The following FILIP1 variants were observed in gnomAD, a reference collection of about 807,000 sequenced individuals.
FILIP1 encodes filamin A interacting protein 1.
Under a neutral mutation model 102.1 loss-of-function variants are expected in FILIP1, and 61 were observed. That is an observed-to-expected ratio of 0.60 (90% CI 0.49 to 0.74). FILIP1 has a LOEUF of 0.74. Ranked by LOEUF, FILIP1 falls within the 30% of genes least tolerant of loss-of-function variation. The probability of loss-of-function intolerance (pLI) is 0.00; values close to 1 mark genes in which losing one functional copy is unlikely to be tolerated. For missense variants in FILIP1, 1,314 were observed against 1,441.2 expected (o/e 0.91, Z 1.43); for synonymous variants, 491 against 526.9 (o/e 0.93, Z 0.93).
chr6:75,471,529 A>T (rs1403074924), intron 1 of FILIP1, among the ~76,000 whole-genome samples: 1 of 152,202 alleles, frequency 6.6e-6, no homozygotes, highest in Non-Finnish European at 1.5e-5. Flanking sequence ...ATTCACGGAT[A>T]ATTTTGCATA....
At chr6:75,418,467 G>A (rs546639341) in intron 1 of FILIP1, among the ~76,000 whole-genome samples, 2 of 152,318 alleles carry the variant, frequency 1.3e-5, no homozygotes, top group Admixed American at 1.3e-4. Flanking sequence ...AGTCTGAACA[G>A]GGACAATTAC....
intron 1 of FILIP1, among the ~76,000 whole-genome samples, chr6:75,434,937 AG>A (rs755399972): frequency 1.3e-5 from 2 of 152,214 alleles, no homozygotes; most frequent in Non-Finnish European, 2.9e-5. Flanking sequence ...GCATCTAATG[AG>A]ATAATCATGC....
chr6:75,324,396 C>T (rs4535511), intron 4 of FILIP1, among the ~76,000 whole-genome samples: 98,911 of 147,296 alleles, frequency 0.67, 33,290 homozygotes, highest in Middle Eastern at 0.76. Context: ...GATAAAAGAT[C>T]TCTACAAGGA....
rs1308311220 is a variant in FILIP1, at chr6:75,442,416, A to C, written c.-6-27438T>G. On this transcript the variant is annotated intron_variant, in intron 1 of 5. Coordinates refer to ENST00000237172, the MANE Select transcript of FILIP1 (RefSeq NM_015687.5). ...GCCAAGGCAGGCGGCTGGGAGGTGG[A>C]GGTTGTAGCGAGCCAAGATCACGCC... Among the ~76,000 whole-genome samples, 42 of 152,268 alleles carry C rather than the reference A, an allele frequency of 2.8e-4. No individual in the cohort carries two copies. The East Asian group carries it at 7.9e-3, about 29-fold the overall frequency.
chr6:75,328,442 GTTCTC>G lies in FILIP1; in HGVS notation c.630-13245_630-13241del, dbSNP rs369967738. Among the ~76,000 whole-genome samples, 44 of 152,154 alleles carry G rather than the reference GTTCTC, an allele frequency of 2.9e-4. No homozygotes were observed. In the East Asian group the frequency reaches 7.5e-3, roughly 26 times the overall value. ...TGGGTACATGGGTGTTCATTATACTGTTCTCTTTACTTTTGTAAATGTTTGAAATT... is the reference window on the plus strand; with the variant it reads ...TGGGTACATGGGTGTTCATTATACTGTTTACTTTTGTAAATGTTTGAAATT... On this transcript the variant is annotated intron_variant, in intron 4 of 5. Transcript: ENST00000237172.
intron 1 of FILIP1, among the ~76,000 whole-genome samples, chr6:75,431,316 A>G (rs1777816203): frequency 6.6e-6 from 1 of 152,192 alleles, no homozygotes; most frequent in Non-Finnish European, 1.5e-5. Flanking sequence ...TCATGTAGGC[A>G]TGAGAAAAAA....
intron 4 of FILIP1, among the ~76,000 whole-genome samples, chr6:75,344,690 C>A (rs1344134913): frequency 6.6e-6 from 1 of 152,190 alleles, no homozygotes; most frequent in South Asian, 2.1e-4. Context: ...CTGGTTGTGA[C>A]CAGCATTTAC....
rs1469605263 is a variant in FILIP1, at chr6:75,446,571, A to T, written c.-6-31593T>A. ...TCCATGGTGGCTTCTTTAGTGGTAA[A>T]CATTTCGTTTACCTGGGTTCACACT... On this transcript the variant is annotated intron_variant, in intron 1 of 5. Coordinates refer to ENST00000237172, the MANE Select transcript of FILIP1 (RefSeq NM_015687.5). 2.6e-5 allele frequency among the ~76,000 whole-genome samples: 4 copies of T among 152,106 alleles called. No individual in the cohort carries two copies. In the East Asian group the frequency reaches 7.7e-4, roughly 29 times the overall value.
intron 1 of FILIP1, among the ~76,000 whole-genome samples, chr6:75,491,042 A>C (rs1371925793): frequency 5.9e-5 from 9 of 152,114 alleles, no homozygotes; most frequent in Admixed American, 2.6e-4. Context: ...GAATATAAAG[A>C]GGCAAACCCT....
intron 4 of FILIP1, among the ~76,000 whole-genome samples, chr6:75,324,836 G>A (rs1773783160): frequency 6.6e-6 from 1 of 152,162 alleles, no homozygotes; most frequent in African/African-American, 2.4e-5. Context: ...ATAAAGTGGG[G>A]AAAGTATACC....
downstream of FILIP1, among the ~76,000 whole-genome samples, chr6:75,305,079 A>G (rs893522677): frequency 7.2e-5 from 11 of 152,332 alleles, no homozygotes; most frequent in Non-Finnish European, 1.3e-4. Context: ...TGGAAAGACC[A>G]GAGAACAAAG....
At chr6:75,472,190 A>G (rs1006730327) in intron 1 of FILIP1, among the ~76,000 whole-genome samples, 1 of 152,144 alleles carries the variant, frequency 6.6e-6, no homozygotes, top group Non-Finnish European at 1.5e-5. Context: ...CCACAGGAGT[A>G]TAATCCTTTA....
chr6:75,372,695 G>GAGAAAGAAAGAGAA (rs1775589778), intron 2 of FILIP1, among the ~76,000 whole-genome samples: 3 of 28,334 alleles, frequency 1.1e-4, no homozygotes, highest in Admixed American at 1.1e-3. Context: ...GAGAAAGAAA[G>GAGAAAGAAAGAGAA]AGAAAGAAAG....
chr6:75,337,569 A>G (rs1774285881), intron 4 of FILIP1, among the ~76,000 whole-genome samples: 1 of 151,390 alleles, frequency 6.6e-6, no homozygotes, highest in Non-Finnish European at 1.5e-5. Context: ...GTAGCAGAGC[A>G]GGGTGTGCTC....
intron 1 of FILIP1, among the ~76,000 whole-genome samples, chr6:75,436,874 C>T (rs1184495117): frequency 1.3e-5 from 2 of 152,108 alleles, no homozygotes; most frequent in Non-Finnish European, 2.9e-5. Context: ...TTGCACTTCC[C>T]ATGGTGTAAA....
intron 1 of FILIP1, among the ~76,000 whole-genome samples, chr6:75,441,102 T>C (rs1011331124): frequency 1.9e-4 from 29 of 151,676 alleles, no homozygotes; most frequent in African/African-American, 6.5e-4. Context: ...CAAAGGTCTC[T>C]GGTTTTCCTA....
intron 4 of FILIP1, among the ~76,000 whole-genome samples, chr6:75,336,425 A>G (rs185234512): frequency 6.2e-4 from 95 of 152,294 alleles, no homozygotes; most frequent in African/African-American, 2.1e-3. Context: ...ATGTTTCTGC[A>G]CAGTTTAATG....
At chr6:75,403,413 G>A (rs1460606488) in intron 2 of FILIP1, among the ~76,000 whole-genome samples, 2 of 150,910 alleles carry the variant, frequency 1.3e-5, no homozygotes, top group East Asian at 1.9e-4. Flanking sequence ...TACATAAGGG[G>A]CTGAGGCAAG....
At chr6:75,483,676 A>G (rs915965529) in intron 1 of FILIP1, among the ~76,000 whole-genome samples, 3 of 152,148 alleles carry the variant, frequency 2.0e-5, no homozygotes, top group Non-Finnish European at 4.4e-5. Context: ...CTCTAGTCAA[A>G]CAGAAAGCCC....
Sources: allele counts gnomAD v4.1 joint callset (sites outside exome capture counted in the v4.1 genomes callset), GRCh38; gene constraint gnomAD v4.1.1; transcripts MANE v1.5; gene names NCBI Gene and HGNC (gene_info 2026-07-23, HGNC 2026-07-21).